Variants in TTC39C observed in about 807,000 individuals in gnomAD.
The protein encoded by TTC39C is tetratricopeptide repeat protein 39C.
Under a neutral mutation model 76.3 loss-of-function variants are expected in TTC39C, and 33 were observed. That is an observed-to-expected ratio of 0.43 (90% CI 0.33 to 0.58). TTC39C has a LOEUF of 0.58. Among genes scored for constraint, TTC39C ranks in the 20% least tolerant of loss-of-function variants. TTC39C has a pLI of 0.04. For synonymous variants in TTC39C, 254 were observed against 260.6 expected (o/e 0.97, Z 0.24); for missense variants, 595 against 701.4 (o/e 0.85, Z 1.71).
chr18:24,092,109 A>AT (rs1346507048), intron 6 of TTC39C, among the ~76,000 whole-genome samples: 6 of 133,966 alleles, frequency 4.5e-5, no homozygotes, highest in South Asian at 4.8e-4. Context: ...AAAAAAAAAA[A>AT]AAAAAAAAAA....
At chr18:24,110,394 C>T (rs777061635) in intron 6 of TTC39C, among the ~76,000 whole-genome samples, 1 of 152,138 alleles carries the variant, frequency 6.6e-6, no homozygotes, top group Non-Finnish European at 1.5e-5. Context: ...TTAACTGGTG[C>T]TCCTAGCCAA....
At chr18:24,086,098 C>A (rs1310812728) in intron 6 of TTC39C, among the ~76,000 whole-genome samples, 1 of 152,142 alleles carries the variant, frequency 6.6e-6, no homozygotes, top group East Asian at 1.9e-4. Flanking sequence ...ATGACTCCTT[C>A]CAATGAATTT....
intron 1 of TTC39C, among the ~76,000 whole-genome samples, chr18:24,000,141 C>A (rs1252198466): frequency 6.6e-6 from 1 of 152,162 alleles, no homozygotes; most frequent in African/African-American, 2.4e-5. Flanking sequence ...AGCACAGGGG[C>A]TCTGATGTTT....
At chr18:24,097,797 G>A (rs1474052894) in intron 6 of TTC39C, among the ~76,000 whole-genome samples, 2 of 152,214 alleles carry the variant, frequency 1.3e-5, no homozygotes, top group East Asian at 1.9e-4. Flanking sequence ...TTCACCATAG[G>A]TTTTATGTTT....
chr18:24,014,608 G>C (rs897727720), upstream of TTC39C: 1 of 330,916 alleles, frequency 3.0e-6, no homozygotes, highest in Non-Finnish European at 5.0e-6. Flanking sequence ...GTGCTTCGGA[G>C]GGCGCGAGAG....
intron 8 of TTC39C, among the ~76,000 whole-genome samples, chr18:24,119,474 T>C (rs1718158929): frequency 1.3e-5 from 2 of 152,184 alleles, no homozygotes; most frequent in South Asian, 4.1e-4. Context: ...CTATATAAAA[T>C]AAGATAGGGT....
chr18:24,100,096 TTATC>T (rs2145788559), intron 6 of TTC39C, among the ~76,000 whole-genome samples: 1 of 152,352 alleles, frequency 6.6e-6, no homozygotes, highest in Admixed American at 6.5e-5. Context: ...TCTTAATAGT[TTATC>T]ATAACACATT....
chr18:24,098,851 C>T (rs1377331759), intron 6 of TTC39C, among the ~76,000 whole-genome samples: 6 of 151,716 alleles, frequency 4.0e-5, no homozygotes, highest in South Asian at 2.1e-4. Context: ...AGGCTGGTAT[C>T]GAACTCCTGA....
At chr18:24,120,617 GT>G (rs1276087807) in intron 8 of TTC39C, among the ~76,000 whole-genome samples, 2 of 152,142 alleles carry the variant, frequency 1.3e-5, no homozygotes, top group African/African-American at 4.8e-5. Context: ...CGCTCAGATT[GT>G]TTTGCAAACA....
rs767138108 is a variant in TTC39C at position 24,116,819 on chromosome 18, GTTT to G, written c.1079-1284_1079-1282del. Reference sequence around the variant, plus strand: ...CAGGTAGCTACCTCTTGATACCTTAGTTTTTTTTTTTTTTTTTTTTTTTTAAGA... The same window carrying G: ...CAGGTAGCTACCTCTTGATACCTTAGTTTTTTTTTTTTTTTTTTTTTAAGA... On this transcript the variant is annotated intron_variant, in intron 7 of 13. Transcript: ENST00000317571. 3.2e-3 allele frequency among the ~76,000 whole-genome samples: 307 copies of G among 95,066 alleles called. 4 individuals carry two copies. The highest frequency in any genetic ancestry group is 0.012 in the African/African-American group (293 of 24,658). 62.4% of individuals were successfully genotyped at this position (95,066 alleles called of 152,430 possible).
chr18:24,025,887 G>A lies in TTC39C; in HGVS notation c.167+10849G>A, dbSNP rs1362774948. Among the ~76,000 whole-genome samples, 3 of 152,206 alleles carry A rather than the reference G, an allele frequency of 2.0e-5. No homozygotes were observed. In the East Asian group the frequency reaches 5.8e-4, roughly 29 times the overall value. On this transcript the variant is annotated intron_variant, in intron 1 of 13. Coordinates refer to ENST00000317571, the MANE Select transcript of TTC39C (RefSeq NM_001135993.2). The stretch of plus-strand genomic sequence containing the variant: ...CCAGGCTGGCACAGCTGTGGCTGAA[G>A]GAGAGAGGCAGAGAAGGGAGTGTCT...
In TTC39C at chr18:24,133,042, A is replaced by G. The variant is rs890938202; in HGVS notation, c.*468A>G. ...TCTAGTGTTTTACTTTATCCTCAAA[A>G]TACTCCAGTGAATAACATAGCACAG... is the stretch of plus-strand genomic sequence containing the variant. On this transcript the variant is annotated 3_prime_UTR_variant, in exon 14 of 14. Coordinates refer to ENST00000317571, the MANE Select transcript of TTC39C (RefSeq NM_001135993.2). 6.5e-6 allele frequency: 1 copy of G among 153,024 alleles called. No individual in the cohort carries two copies. Among genetic ancestry groups the G allele is most frequent in the African/African-American group, 2.4e-5 (1 of 41,472 alleles). The allele number at this position is 153,024 out of a possible 1,614,324, so 9.5% of individuals were successfully genotyped here. A position where few individuals can be genotyped will look rare whatever the true frequency, so the allele number is the denominator to read the frequency against.
chr18:24,012,083 T>C (rs2083397655), upstream of TTC39C, among the ~76,000 whole-genome samples: 2 of 152,192 alleles, frequency 1.3e-5, no homozygotes, highest in Admixed American at 1.3e-4. Context: ...TCCCTTGCAA[T>C]GTGAATCCGG....
chr18:24,040,656 C>T (rs535289497), intron 1 of TTC39C, among the ~76,000 whole-genome samples: 4 of 152,156 alleles, frequency 2.6e-5, no homozygotes, highest in African/African-American at 4.8e-5. Flanking sequence ...TAGAGACTCT[C>T]GGTAAGCATA....
chr18:23,998,340 T>C lies in TTC39C; in HGVS notation c.-17+5302T>C, dbSNP rs147178054. 2.0e-3 allele frequency among the ~76,000 whole-genome samples: 311 copies of C among 152,294 alleles called. 2 individuals carry two copies. Among genetic ancestry groups the C allele is most frequent in the African/African-American group, 6.9e-3 (285 of 41,562 alleles). On this transcript the variant is annotated intron_variant, in intron 1 of 13. Coordinates refer to the TTC39C transcript ENST00000304621. ...CTGGAACCTAATTTTAAACAGAAAC[T>C]AGGCCAGGTGCAGTGGCTCACGCCT...
Position 24,080,577 on chromosome 18 carries a change from C to A in TTC39C, c.461-8C>A. ...GTTTTTGAATCTTTTCTCCCCTTCT[C>A]TTTTTAGCTTATATCAAAGGTGGGT... On this transcript the variant is annotated splice_polypyrimidine_tract_variant and splice_region_variant and intron_variant, in intron 4 of 13. Coordinates refer to ENST00000317571, the MANE Select transcript of TTC39C (RefSeq NM_001135993.2). The A allele has an allele frequency of 6.4e-7, 1 of 1,570,708 alleles. No homozygotes were observed.
Position 24,118,225 on chromosome 18 carries a change from G to T in TTC39C, c.1179G>T (p.Leu393Phe). ...SRWSQCYYAY[L>F]TAVCQGATGD... ...GGTCCCAGTGCTATTATGCCTACTT[G>T]ACTGCAGGTGAGTCGCCCATGGTCC... Residue 393 changes from leucine (L) to phenylalanine (F), a missense_variant, in exon 8 of 14, where the codon TTG becomes TTT. By Grantham distance (22) the Leu-to-Phe change is conservative (BLOSUM62 0). Coordinates refer to ENST00000317571, the MANE Select transcript of TTC39C (RefSeq NM_001135993.2). The T allele has an allele frequency of 6.2e-7, 1 of 1,612,652 alleles. No homozygotes were observed. The highest frequency in any genetic ancestry group is 1.1e-5 in the South Asian group (1 of 90,794).
At position 24,082,980 on chromosome 18, in the gene TTC39C, G is replaced by T; in HGVS notation, c.883G>T (p.Ala295Ser). ...TGCCTTGGATGGCAGTGATAACAAG[G>T]CAGGCCTGGATGAAGCTAAGGAAAT... is the stretch of plus-strand genomic sequence containing the variant. The part of the protein sequence containing the change: ...FFALDGSDNK[A>S]GLDEAKEILL... The change falls in exon 6 of 14, where the codon GCA becomes TCA. Residue 295 changes from alanine to serine, a missense_variant. Coordinates refer to ENST00000317571, the MANE Select transcript of TTC39C (RefSeq NM_001135993.2). 3.7e-6 allele frequency: 6 copies of T among 1,614,074 alleles called. No homozygotes were observed. The highest frequency in any genetic ancestry group is 5.1e-6 in the Non-Finnish European group (6 of 1,179,960).
chr18:24,111,643 C>T (rs2084811969), intron 6 of TTC39C, among the ~76,000 whole-genome samples: 1 of 150,724 alleles, frequency 6.6e-6, no homozygotes, highest in Non-Finnish European at 1.5e-5. Flanking sequence ...GCTTATAATC[C>T]CGGGACTTTG....
Sources: gnomAD v4.1 joint callset for allele counts (sites outside exome capture counted in the v4.1 genomes callset) on GRCh38, gnomAD v4.1.1 for gene constraint, MANE v1.5 for transcripts, NCBI Gene and HGNC (gene_info 2026-07-23, HGNC 2026-07-21) for gene names.